The following GARS1 variants were observed in gnomAD, a reference collection of about 807,000 sequenced individuals.
GARS1 encodes the protein glycyl-tRNA synthetase 1, also known as glycine--tRNA ligase.
Under a neutral mutation model 86.4 loss-of-function variants are expected in GARS1, and 46 were observed. The observed-to-expected ratio is 0.53, with a 90% confidence interval of 0.42 to 0.68. GARS1 has a LOEUF of 0.68. GARS1 is among the 30% of genes least tolerant of loss of function. GARS1 has a pLI of 0.00. For missense variants in GARS1, 797 were observed against 915.6 expected, an observed-to-expected ratio of 0.87 and a Z score of 1.67; for synonymous variants, 342 against 329.8, an observed-to-expected ratio of 1.04 and a Z score of -0.40.
intron 6 of GARS1, among the ~76,000 whole-genome samples, chr7:30,604,259 G>A (rs1400037247): frequency 6.6e-6 from 1 of 152,140 alleles, no homozygotes; most frequent in Non-Finnish European, 1.5e-5. Flanking sequence ...ATGTATATAT[G>A]TTGCTGGTGT....
At chr7:30,631,020 G>A (rs774204243) in intron 14 of GARS1, 1 of 184,022 alleles carries the variant, frequency 5.4e-6, no homozygotes, top group Non-Finnish European at 1.2e-5. Flanking sequence ...AATGGGCTTT[G>A]GTTTGGGTCA....
At position 30,603,128 on chromosome 7, in the gene GARS1, GT is replaced by G. The variant is rs1562772835; in HGVS notation, c.658+8del. 3.1e-6 allele frequency: 5 copies of G among 1,600,618 alleles called. No homozygotes were observed. The highest frequency in any genetic ancestry group is 1.7e-4 in the Middle Eastern group (1 of 6,024). On this transcript the variant is annotated splice_region_variant and intron_variant, in intron 5 of 16. Coordinates refer to ENST00000389266, the MANE Select transcript of GARS1 (RefSeq NM_002047.4). ...TGCTGACCATCTATTAAAAGGTGAGGTTCTTCATCTCCTTCAGGTAGGATTG... is the reference window on the plus strand; with the variant it reads ...TGCTGACCATCTATTAAAAGGTGAGGTCTTCATCTCCTTCAGGTAGGATTG...
chr7:30,626,202 A>G (rs1474007749), intron 12 of GARS1, 32 bp from the exon 13 acceptor site: 18 of 1,408,474 alleles, frequency 1.3e-5, no homozygotes, highest in Non-Finnish European at 1.8e-5. Flanking sequence ...GCCTGTTTGA[A>G]CTAATACAAA....
chr7:30,598,818 A>G lies in GARS1; in HGVS notation c.245A>G (p.Lys82Arg), dbSNP rs1420587962. 2.5e-6 allele frequency: 4 copies of G among 1,614,010 alleles called. No individual in the cohort carries two copies. The African/African-American group carries it at 5.3e-5, about 22-fold the overall frequency. Residue 82 changes from lysine to arginine, a missense_variant, in exon 2 of 17, where the codon AAA becomes AGA. Coordinates refer to ENST00000389266, the MANE Select transcript of GARS1 (RefSeq NM_002047.4). ...TAGGGAGATCTTGTGCGAAAACTCA[A>G]AGAAGATAAAGCACCCCAAGTAGAC... ...RQQGDLVRKL[K>R]EDKAPQVDVD...
rs1373631837 is a variant in GARS1, at chr7:30,594,984, G to GC, written c.67dup (p.Arg23ProfsTer39). 1.9e-6 allele frequency: 3 copies of GC among 1,593,958 alleles called. No individual in the cohort carries two copies. The highest frequency in any genetic ancestry group is 2.5e-6 in the Non-Finnish European group (3 of 1,177,736). On this transcript the variant is annotated frameshift_variant, in exon 1 of 17. Coordinates refer to ENST00000389266, the MANE Select transcript of GARS1 (RefSeq NM_002047.4). LOFTEE classifies it high-confidence loss of function. Reference sequence around the variant, plus strand: ...GCGCCGCTCTGCTGCTGCTGCTGCCGCCCCGGCTCTTAGCCCGACCCTCGC... The same window carrying GC: ...GCGCCGCTCTGCTGCTGCTGCTGCCGCCCCCGGCTCTTAGCCCGACCCTCGC...
At chr7:30,626,851 C>A (rs117253158) in intron 13 of GARS1, among the ~76,000 whole-genome samples, 1 of 152,028 alleles carries the variant, frequency 6.6e-6, no homozygotes, top group South Asian at 2.1e-4. Context: ...CATGGAGACA[C>A]GCACGTGTAA....
chr7:30,624,423 TTAAAG>T (rs1444604905), intron 12 of GARS1, among the ~76,000 whole-genome samples: 1 of 152,232 alleles, frequency 6.6e-6, no homozygotes, highest in Non-Finnish European at 1.5e-5. Flanking sequence ...AATGGAGTAT[TTAAAG>T]TAATATGGAA....
intron 3 of GARS1, 127 bp from the exon 4 acceptor site, chr7:30,600,932 T>G: frequency 1.2e-6 from 1 of 842,670 alleles, no homozygotes; most frequent in Non-Finnish European, 2.0e-6. Flanking sequence ...TCTTCAGTAT[T>G]GAGGGATTTG....
chr7:30,612,448 TGAAGG>T (rs1782778985), intron 8 of GARS1, among the ~76,000 whole-genome samples: 1 of 152,186 alleles, frequency 6.6e-6, no homozygotes, highest in Non-Finnish European at 1.5e-5. Flanking sequence ...AAAGTGAACT[TGAAGG>T]GAAAGGAAGG....
chr7:30,619,925 A>T (rs1231880356), intron 10 of GARS1, among the ~76,000 whole-genome samples: 1 of 151,376 alleles, frequency 6.6e-6, no homozygotes, highest in Non-Finnish European at 1.5e-5. Flanking sequence ...TTACAGATAC[A>T]TGGCACTGCA....
chr7:30,601,287 T>C, intron 4 of GARS1, 87 bp downstream of exon 4: 1 of 1,213,928 alleles, frequency 8.2e-7, no homozygotes, highest in Admixed American at 2.3e-5. Context: ...AATAACTTCC[T>C]GATTATAAAG....
In GARS1 at chr7:30,595,250, C is replaced by T; in HGVS notation, c.222+107C>T. 3.8e-6 allele frequency: 4 copies of T among 1,058,966 alleles called. No homozygotes were observed. The South Asian group carries it at 5.5e-5, about 14-fold the overall frequency. The allele number at this position is 1,058,966 out of a possible 1,614,324, so 65.6% of individuals were successfully genotyped here. A position where few individuals can be genotyped will look rare whatever the true frequency, so the allele number is the denominator to read the frequency against. On this transcript the variant is annotated intron_variant, in intron 1 of 16. Transcript: ENST00000389266. Reference sequence around the variant, plus strand: ...GGAACTGTCCTCCTCTTCGGTTACCCCTTTCTTTCCCTTCATCCTCTGGCG... The same window carrying T: ...GGAACTGTCCTCCTCTTCGGTTACCTCTTTCTTTCCCTTCATCCTCTGGCG...
chr7:30,633,934 A>G lies in GARS1; in HGVS notation c.*74A>G. On this transcript the variant is annotated 3_prime_UTR_variant, in exon 17 of 17. Transcript: ENST00000389266. ...AAACTACTCTTATGTCCACTTTACA[A>G]AAGAAAACAGCATTGTGATTACTCC... 2 of 1,553,012 alleles carry G rather than the reference A, an allele frequency of 1.3e-6. No individual in the cohort carries two copies. The highest frequency in any genetic ancestry group is 2.3e-5 in the East Asian group (1 of 44,188).
intron 13 of GARS1, among the ~76,000 whole-genome samples, chr7:30,627,452 A>G (rs373014952): frequency 3.3e-5 from 5 of 152,238 alleles, no homozygotes; most frequent in South Asian, 2.1e-4. Flanking sequence ...CTCTTTTCCC[A>G]TATGTGTGTG....
chr7:30,620,681 T>C (rs533481954), intron 10 of GARS1, among the ~76,000 whole-genome samples: 36 of 152,370 alleles, frequency 2.4e-4, no homozygotes, highest in African/African-American at 8.2e-4. Context: ...AATGCTCTTA[T>C]ATAATTTTAT....
intron 14 of GARS1, among the ~76,000 whole-genome samples, chr7:30,630,225 T>C (rs1450827572): frequency 6.6e-6 from 1 of 152,192 alleles, no homozygotes; most frequent in Non-Finnish European, 1.5e-5. Flanking sequence ...TATCACAAGA[T>C]GGAGGAAGGG....
At chr7:30,595,901 T>TTTA (rs1791237403) in intron 1 of GARS1, 1 of 471,040 alleles carries the variant, frequency 2.1e-6, no homozygotes, top group African/African-American at 2.0e-5. Context: ...CCATCCTTAG[T>TTTA]ATGGAATATT....
chr7:30,594,825 C>A, upstream of GARS1: 15 of 1,077,586 alleles, frequency 1.4e-5, no homozygotes, highest in Non-Finnish European at 2.0e-5. Context: ...AGCACGCGCG[C>A]CGCGTCGTTT....
At chr7:30,620,953 A>G (rs528268907) in intron 10 of GARS1, among the ~76,000 whole-genome samples, 65 of 152,350 alleles carry the variant, frequency 4.3e-4, no homozygotes, top group African/African-American at 1.5e-3. Context: ...ATTAAATTCC[A>G]GAATATGTTA....
Sources: gnomAD v4.1 joint callset for allele counts (sites outside exome capture counted in the v4.1 genomes callset) on GRCh38, gnomAD v4.1.1 for gene constraint, MANE v1.5 for transcripts, NCBI Gene and HGNC (gene_info 2026-07-23, HGNC 2026-07-21) for gene names.